CSMD2: variants seen among roughly 807,000 people sequenced by gnomAD.
CSMD2 encodes CUB and sushi domain-containing protein 2.
In CSMD2, 130 loss-of-function variants were observed where a neutral mutation model predicts 398.5. The observed-to-expected ratio is 0.33, with a 90% CI of 0.28 to 0.38. The LOEUF (loss-of-function observed/expected upper bound fraction) is 0.38. Among genes scored for constraint, CSMD2 ranks in the 10% least tolerant of loss-of-function variants. CSMD2 has a pLI of 1.00. For missense variants in CSMD2, 3,829 were observed against 4,764.9 expected, an observed-to-expected ratio of 0.80 and a Z score of 5.78; for synonymous variants, 1,828 against 1,908.5, an observed-to-expected ratio of 0.96 and a Z score of 1.10.
At chr1:33,834,558 A>C (rs1660009604) in intron 6 of CSMD2, among the ~76,000 whole-genome samples, 1 of 49,052 alleles carries the variant, frequency 2.0e-5, no homozygotes, top group Non-Finnish European at 3.1e-5. Context: ...CTAGAAGAAA[A>C]CCTAGGCATT....
At chr1:33,923,847 T>A (rs576851285) in intron 4 of CSMD2, among the ~76,000 whole-genome samples, 1 of 152,268 alleles carries the variant, frequency 6.6e-6, no homozygotes, top group South Asian at 2.1e-4. Flanking sequence ...TGCCTGATGA[T>A]CTGAGGTGGA....
At chr1:33,746,145 T>C (rs1435414718) in intron 13 of CSMD2, among the ~76,000 whole-genome samples, 2 of 152,230 alleles carry the variant, frequency 1.3e-5, no homozygotes, top group African/African-American at 4.8e-5. Flanking sequence ...TGAAGATTCA[T>C]CTGTCGACTT....
At chr1:34,007,236 C>A (rs892630216) in intron 3 of CSMD2, among the ~76,000 whole-genome samples, 14 of 152,106 alleles carry the variant, frequency 9.2e-5, no homozygotes, top group African/African-American at 3.1e-4. Context: ...GTGACCTCAG[C>A]CTCATGGAAG....
At chr1:33,758,231 TTTTC>T (rs929504669) in intron 13 of CSMD2, among the ~76,000 whole-genome samples, 2 of 152,194 alleles carry the variant, frequency 1.3e-5, no homozygotes, top group Non-Finnish European at 2.9e-5. Flanking sequence ...GCCCCAGTGA[TTTTC>T]TTTTTCTAGA....
chr1:34,064,838 G>A (rs1284377225), intron 2 of CSMD2, among the ~76,000 whole-genome samples: 1 of 152,138 alleles, frequency 6.6e-6, no homozygotes, highest in Non-Finnish European at 1.5e-5. Context: ...CACATGGCGG[G>A]GGAGGCCTCA....
At chr1:33,805,352 T>C (rs542480550) in intron 10 of CSMD2, among the ~76,000 whole-genome samples, 2 of 152,328 alleles carry the variant, frequency 1.3e-5, no homozygotes, top group South Asian at 4.1e-4. Flanking sequence ...ATTAACTAGG[T>C]ACATCATGAA....
rs902173110 is a variant in CSMD2, at chr1:33,549,469, C to A, written c.8917+708G>T. ...TGCTATTGGCAGGACAATTCACTTG[C>A]AAAATTTTGTTCTGCTATATGGCAT... On this transcript the variant is annotated intron_variant, in intron 56 of 70. Transcript: ENST00000373381. Among the ~76,000 whole-genome samples the A allele has an allele frequency of 2.0e-5, 3 of 152,212 alleles. No homozygotes were observed. In the South Asian group the frequency reaches 6.2e-4, roughly 32 times the overall value.
At chr1:33,883,564 A>G (rs557529862) in intron 5 of CSMD2, among the ~76,000 whole-genome samples, 17 of 152,262 alleles carry the variant, frequency 1.1e-4, no homozygotes, top group Non-Finnish European at 2.4e-4. Context: ...TTTCCGGATC[A>G]ACTCCTAATC....
intron 64 of CSMD2, among the ~76,000 whole-genome samples, chr1:33,530,522 G>GA (rs1327302641): frequency 6.6e-6 from 1 of 152,154 alleles, no homozygotes; most frequent in Non-Finnish European, 1.5e-5. Context: ...AACCATTATG[G>GA]AAAACGTATG....
intron 3 of CSMD2, among the ~76,000 whole-genome samples, chr1:34,003,451 C>G (rs1011264727): frequency 6.6e-6 from 1 of 152,176 alleles, no homozygotes; most frequent in Non-Finnish European, 1.5e-5. Flanking sequence ...CAGCCTGCAT[C>G]CATCATGCCC....
intron 13 of CSMD2, among the ~76,000 whole-genome samples, chr1:33,765,905 C>A (rs1419258371): frequency 1.3e-5 from 2 of 152,222 alleles, no homozygotes; most frequent in Admixed American, 1.3e-4. Flanking sequence ...TGCCCCATGT[C>A]CCTCCTAGAC....
intron 12 of CSMD2, among the ~76,000 whole-genome samples, chr1:33,787,560 C>CAG (rs904466567): frequency 2.0e-5 from 3 of 152,186 alleles, no homozygotes; most frequent in African/African-American, 7.2e-5. Context: ...TGGCACTGTC[C>CAG]AGGCAGCTCT....
intron 21 of CSMD2, among the ~76,000 whole-genome samples, chr1:33,712,675 G>C (rs921891802): frequency 1.3e-5 from 2 of 152,216 alleles, no homozygotes; most frequent in Non-Finnish European, 2.9e-5. Flanking sequence ...AGGGCTGTGT[G>C]CATCTGTGGT....
At chr1:33,727,519 T>A (rs879236700) in intron 15 of CSMD2, among the ~76,000 whole-genome samples, 5 of 152,136 alleles carry the variant, frequency 3.3e-5, no homozygotes, top group African/African-American at 9.7e-5. Flanking sequence ...CCACCCCTTT[T>A]GAAGTTATGC....
intron 5 of CSMD2, among the ~76,000 whole-genome samples, chr1:33,895,368 A>C (rs921349941): frequency 6.6e-6 from 1 of 152,088 alleles, no homozygotes; most frequent in African/African-American, 2.4e-5. Flanking sequence ...TTTGTGGGTC[A>C]GGGGTGAAAG....
chr1:33,731,742 T>C (rs1304803899), intron 15 of CSMD2, among the ~76,000 whole-genome samples: 1 of 152,260 alleles, frequency 6.6e-6, no homozygotes, highest in Non-Finnish European at 1.5e-5. Context: ...TTAAAAATAC[T>C]ATCAAAGAAC....
At chr1:33,649,206 G>A (rs1023280762) in intron 28 of CSMD2, among the ~76,000 whole-genome samples, 3 of 152,198 alleles carry the variant, frequency 2.0e-5, no homozygotes, top group African/African-American at 7.2e-5. Context: ...AGCTTGCAGA[G>A]AATAGATTTC....
At chr1:34,025,659 G>A (rs1332499273) in intron 3 of CSMD2, among the ~76,000 whole-genome samples, 1 of 152,092 alleles carries the variant, frequency 6.6e-6, no homozygotes, top group African/African-American at 2.4e-5. Flanking sequence ...CTTCTTACTA[G>A]GACCCTTAGC....
chr1:33,523,552 C>A (rs1654498924), intron 66 of CSMD2, 133 bp from the exon 67 acceptor site: 1 of 603,150 alleles, frequency 1.7e-6, no homozygotes, highest in African/African-American at 1.9e-5. Flanking sequence ...TCTCCACATC[C>A]CTTTAAGTCG....
Sources: allele counts gnomAD v4.1 joint callset (sites outside exome capture counted in the v4.1 genomes callset), GRCh38; gene constraint gnomAD v4.1.1; transcripts MANE v1.5; gene names NCBI Gene and HGNC (gene_info 2026-07-23, HGNC 2026-07-21).